Variants in PDE3A observed in about 807,000 individuals in gnomAD.
PDE3A encodes phosphodiesterase 3A.
In PDE3A, 43 loss-of-function variants were observed where a neutral mutation model predicts 98.3. The ratio of observed to expected loss-of-function variants is 0.44; its 90% confidence interval spans 0.34 to 0.56. PDE3A has a LOEUF of 0.56. Ranked by LOEUF, PDE3A falls within the 20% of genes least tolerant of loss-of-function variation. PDE3A has a pLI of 0.01. For synonymous variants in PDE3A, 663 were observed against 567.9 expected, an observed-to-expected ratio of 1.17 and a Z score of -2.38; for missense variants, 1,427 against 1,440.7, an observed-to-expected ratio of 0.99 and a Z score of 0.15.
chr12:20,450,354 C>T (rs1016953766), intron 1 of PDE3A, among the ~76,000 whole-genome samples: 2 of 152,298 alleles, frequency 1.3e-5, no homozygotes, highest in Non-Finnish European at 2.9e-5. Context: ...TTTCCCTTGA[C>T]TTTTGGGATT....
At chr12:20,495,802 G>T (rs1945908832) in intron 1 of PDE3A, among the ~76,000 whole-genome samples, 3 of 152,112 alleles carry the variant, frequency 2.0e-5, no homozygotes, top group African/African-American at 7.2e-5. Context: ...TTTTAAGAAG[G>T]TTGTACCAAT....
At chr12:20,612,845 A>G (rs1382571319) in intron 2 of PDE3A, among the ~76,000 whole-genome samples, 2 of 151,754 alleles carry the variant, frequency 1.3e-5, no homozygotes. Flanking sequence ...TTGGCAGAAT[A>G]TGACAGATGT....
intron 1 of PDE3A, among the ~76,000 whole-genome samples, chr12:20,496,017 T>C (rs911051454): frequency 2.6e-5 from 4 of 152,248 alleles, no homozygotes; most frequent in African/African-American, 9.6e-5. Context: ...ATAATAATAC[T>C]GAATTTGATT....
chr12:20,567,802 T>C (rs527531195), intron 2 of PDE3A, among the ~76,000 whole-genome samples: 4 of 152,076 alleles, frequency 2.6e-5, no homozygotes, highest in African/African-American at 9.6e-5. Context: ...TTAAAATCAA[T>C]GGAACAAACT....
In PDE3A at chr12:20,687,450, C is replaced by A. The variant is rs539398232; in HGVS notation, c.*7179C>A. Among the ~76,000 whole-genome samples, 1 of 151,896 alleles carries A rather than the reference C, an allele frequency of 6.6e-6. No homozygotes were observed. Among genetic ancestry groups the A allele is most frequent in the South Asian group, 2.1e-4 (1 of 4,812 alleles). On this transcript the variant is annotated 3_prime_UTR_variant, in exon 16 of 16. Coordinates refer to ENST00000359062, the MANE Select transcript of PDE3A (RefSeq NM_000921.5). The stretch of plus-strand genomic sequence containing the variant: ...TTAAAAAATCACTAAATTTTTTATA[C>A]TCTGTAAAATATTTGCATGGGAATT...
intron 2 of PDE3A, among the ~76,000 whole-genome samples, chr12:20,563,810 T>C (rs530209016): frequency 6.6e-6 from 1 of 152,244 alleles, no homozygotes; most frequent in Non-Finnish European, 1.5e-5. Flanking sequence ...GACCTAAATA[T>C]CATATCTATC....
intron 1 of PDE3A, among the ~76,000 whole-genome samples, chr12:20,482,612 T>G (rs1945651545): frequency 6.6e-6 from 1 of 152,224 alleles, no homozygotes; most frequent in South Asian, 2.1e-4. Context: ...TATGTCTGAC[T>G]GTTTTAGAGA....
At chr12:20,499,645 C>A (rs1945984527) in intron 1 of PDE3A, among the ~76,000 whole-genome samples, 1 of 152,024 alleles carries the variant, frequency 6.6e-6, no homozygotes, top group Non-Finnish European at 1.5e-5. Context: ...TTCTTTCTCT[C>A]CACCCCGATT....
intron 1 of PDE3A, among the ~76,000 whole-genome samples, chr12:20,516,666 A>G (rs555545526): frequency 6.6e-6 from 1 of 152,326 alleles, no homozygotes; most frequent in East Asian, 1.9e-4. Context: ...ATATGTTTAT[A>G]AAAGTCTGAT....
intron 1 of PDE3A, among the ~76,000 whole-genome samples, chr12:20,491,729 G>A (rs77450522): frequency 0.018 from 2,705 of 152,248 alleles, 36 homozygotes; most frequent in South Asian, 0.039. Flanking sequence ...ATACTTTATG[G>A]AAAGACCTTG....
intron 1 of PDE3A, among the ~76,000 whole-genome samples, chr12:20,521,333 T>C (rs1946421972): frequency 6.6e-6 from 1 of 152,110 alleles, no homozygotes; most frequent in African/African-American, 2.4e-5. Context: ...GTAACATGAA[T>C]AATAAGAGAT....
intron 1 of PDE3A, among the ~76,000 whole-genome samples, chr12:20,502,099 A>T (rs1202570738): frequency 6.6e-6 from 1 of 152,154 alleles, no homozygotes; most frequent in Non-Finnish European, 1.5e-5. Context: ...GCTATAGAGG[A>T]GGCTAATACC....
chr12:20,455,084 G>C (rs1244148353), intron 1 of PDE3A, among the ~76,000 whole-genome samples: 2 of 152,152 alleles, frequency 1.3e-5, no homozygotes, highest in Admixed American at 1.3e-4. Flanking sequence ...CACCAACAGT[G>C]TATAAGCGTT....
At chr12:20,434,628 T>C (rs1364357173) in intron 1 of PDE3A, among the ~76,000 whole-genome samples, 1 of 152,020 alleles carries the variant, frequency 6.6e-6, no homozygotes, top group Non-Finnish European at 1.5e-5. Context: ...ATATGACATG[T>C]AAGAAGGGGA....
chr12:20,670,337 A>G (rs1017234395), intron 15 of PDE3A, among the ~76,000 whole-genome samples: 2 of 149,184 alleles, frequency 1.3e-5, no homozygotes, highest in African/African-American at 5.0e-5. Context: ...TCAGCTCTGC[A>G]CCAAGCGGAC....
chr12:20,664,167 C>A (rs1945250433), intron 15 of PDE3A, among the ~76,000 whole-genome samples: 1 of 152,072 alleles, frequency 6.6e-6, no homozygotes, highest in African/African-American at 2.4e-5. Context: ...CCTCCCCAGC[C>A]CTGTGGAACT....
chr12:20,651,510 G>T (rs1194917042), intron 14 of PDE3A, among the ~76,000 whole-genome samples: 1 of 152,120 alleles, frequency 6.6e-6, no homozygotes, highest in East Asian at 1.9e-4. Flanking sequence ...ACTTAGCACA[G>T]GATCTGATTC....
intron 1 of PDE3A, among the ~76,000 whole-genome samples, chr12:20,533,513 G>A (rs1489634682): frequency 1.2e-4 from 17 of 140,852 alleles, no homozygotes; most frequent in Admixed American, 1.5e-4. Context: ...ACGTGGTCTC[G>A]TCCTGTCACC....
chr12:20,633,537 A>G (rs532143185), intron 6 of PDE3A, among the ~76,000 whole-genome samples, 156 bp from the exon 7 acceptor site: 2 of 152,362 alleles, frequency 1.3e-5, no homozygotes, highest in South Asian at 2.1e-4. Flanking sequence ...ATCAGCATTT[A>G]TGTATCAAAC....
Sources: allele counts gnomAD v4.1 joint callset (sites outside exome capture counted in the v4.1 genomes callset), GRCh38; gene constraint gnomAD v4.1.1; transcripts MANE v1.5; gene names NCBI Gene and HGNC (gene_info 2026-07-23, HGNC 2026-07-21).